Variants in BATF observed in about 807,000 individuals in gnomAD.
The protein encoded by BATF is basic leucine zipper transcriptional factor ATF-like.
In BATF, 5 loss-of-function variants were observed where a neutral mutation model predicts 13.7. That is an observed-to-expected ratio of 0.36 (90% CI 0.19 to 0.77). The LOEUF is 0.77. BATF is among the 30% of genes least tolerant of loss of function. The pLI is 0.51. For missense variants in BATF, 124 were observed against 163.0 expected (o/e 0.76, Z 1.30); for synonymous variants, 72 against 67.5 (o/e 1.07, Z -0.33).
At chr14:75,535,024 G>A (rs1250772096) in intron 2 of BATF, among the ~76,000 whole-genome samples, 1 of 152,198 alleles carries the variant, frequency 6.6e-6, no homozygotes, top group African/African-American at 2.4e-5. Flanking sequence ...TAAAAATTAT[G>A]TTGACTATGT....
intron 2 of BATF, among the ~76,000 whole-genome samples, chr14:75,539,451 T>TTTTTTTTTTTTTTTG (rs376041946): frequency 6.8e-6 from 1 of 146,694 alleles, no homozygotes; most frequent in African/African-American, 2.5e-5. Flanking sequence ...TTTTTTTTTT[T>TTTTTTTTTTTTTTTG]AGCAATTCTT....
intron 2 of BATF, among the ~76,000 whole-genome samples, chr14:75,528,761 A>G (rs1159667516): frequency 1.3e-5 from 2 of 148,290 alleles, no homozygotes; most frequent in Non-Finnish European, 2.9e-5. Flanking sequence ...GACCTAAGAT[A>G]ATCAGCTGAA....
In BATF at chr14:75,525,065, C is replaced by G. The variant is rs1887630663; in HGVS notation, c.64-19C>G. The G allele has an allele frequency of 1.3e-5, 20 of 1,597,060 alleles. No homozygotes were observed. Among genetic ancestry groups the G allele is most frequent in the Non-Finnish European group, 1.6e-5 (19 of 1,167,830 alleles). On this transcript the variant is annotated intron_variant, in intron 1 of 2. Transcript: ENST00000286639. ...GGGAGATGCAGACCCATGTAATCCT[C>G]CCCGTCTCTGCTTCCCAGGACTCAT...
chr14:75,546,731 G>T lies in BATF; in HGVS notation c.*60G>T. 1 of 1,482,806 alleles carries T rather than the reference G, an allele frequency of 6.7e-7. No individual in the cohort carries two copies. The highest frequency in any genetic ancestry group is 9.0e-7 in the Non-Finnish European group (1 of 1,111,038). The allele number at this position is 1,482,806 out of a possible 1,614,324, so 91.9% of individuals were successfully genotyped here. A position where few individuals can be genotyped will look rare whatever the true frequency, so the allele number is the denominator to read the frequency against. On this transcript the variant is annotated 3_prime_UTR_variant, in exon 3 of 3. Transcript: ENST00000286639. Reference sequence around the variant, plus strand: ...GGCACACAGACTGTGGCAGAGCTGCGCCCATCCCGCAGAGGCCCCTGTCCA... The same window carrying T: ...GGCACACAGACTGTGGCAGAGCTGCTCCCATCCCGCAGAGGCCCCTGTCCA...
At position 75,525,185 on chromosome 14, in the gene BATF, C is replaced by T; in HGVS notation, c.165C>T (p.His55=). Residue 55 remains histidine, a synonymous_variant, in exon 2 of 3, where the codon CAC becomes CAT. Coordinates refer to ENST00000286639, the MANE Select transcript of BATF (RefSeq NM_006399.5). ...AGACACAGAAGGCCGACACCCTGCA[C>T]CTGGTAAGTGTTCAGATCAATCTTC... ...QRQTQKADTL[H]LESEDLEKQN... is the part of the protein sequence containing the mutation. 6.2e-7 allele frequency: 1 copy of T among 1,613,486 alleles called. No individual in the cohort carries two copies. The highest frequency in any genetic ancestry group is 8.5e-7 in the Non-Finnish European group (1 of 1,179,756).
At chr14:75,533,728 G>A (rs939814124) in intron 2 of BATF, among the ~76,000 whole-genome samples, 4 of 152,102 alleles carry the variant, frequency 2.6e-5, no homozygotes, top group African/African-American at 9.7e-5. Context: ...GTTCCACTAC[G>A]GGTTCACATG....
Position 75,524,068 on chromosome 14 carries a change from A to G in BATF, c.64-1016A>G, listed in dbSNP as rs374136990. On this transcript the variant is annotated intron_variant, in intron 1 of 2. Transcript: ENST00000286639. ...GGTGAGCCCAGTACTTAGTGATCCCAGAGCTTTGCCCTTGGATCTGTGCCC... is the reference window on the plus strand; with the variant it reads ...GGTGAGCCCAGTACTTAGTGATCCCGGAGCTTTGCCCTTGGATCTGTGCCC... 5.1e-4 allele frequency among the ~76,000 whole-genome samples: 78 copies of G among 152,320 alleles called. 2 individuals carry two copies. The South Asian group carries it at 0.016, about 31-fold the overall frequency.
chr14:75,538,937 C>A (rs1266930519), intron 2 of BATF, among the ~76,000 whole-genome samples: 1 of 152,194 alleles, frequency 6.6e-6, no homozygotes, highest in Non-Finnish European at 1.5e-5. Context: ...CTATTCAAAC[C>A]CTTGCTTTGA....
At chr14:75,542,925 C>A (rs1310376087) in intron 2 of BATF, among the ~76,000 whole-genome samples, 1 of 152,214 alleles carries the variant, frequency 6.6e-6, no homozygotes, top group East Asian at 1.9e-4. Flanking sequence ...GCTGTCACTT[C>A]CCGAAAGCTG....
At chr14:75,540,023 C>G (rs1449287998) in intron 2 of BATF, among the ~76,000 whole-genome samples, 1 of 152,112 alleles carries the variant, frequency 6.6e-6, no homozygotes, top group Non-Finnish European at 1.5e-5. Flanking sequence ...AAAAGGTCAC[C>G]CTGCCAATAC....
At chr14:75,535,931 A>G (rs1566767946) in intron 2 of BATF, among the ~76,000 whole-genome samples, 1 of 152,248 alleles carries the variant, frequency 6.6e-6, no homozygotes, top group East Asian at 1.9e-4. Flanking sequence ...TCATTAAGAG[A>G]GTAGGATGAC....
Position 75,546,837 on chromosome 14 carries a change from C to T in BATF, c.*166C>T, listed in dbSNP as rs750668294. 110 of 962,310 alleles carry T rather than the reference C, an allele frequency of 1.1e-4. No individual in the cohort carries two copies. Among genetic ancestry groups the T allele is most frequent in the Non-Finnish European group, 1.7e-4 (107 of 624,646 alleles). The allele number at this position is 962,310 out of a possible 1,614,324, so 59.6% of individuals were successfully genotyped here. On this transcript the variant is annotated 3_prime_UTR_variant, in exon 3 of 3. Transcript: ENST00000286639. ...ACTGGAAGGGCGTGAGGCCTCCCAG[C>T]AGTGCCGCAGCGTTTCGAGGGGCGT... is the stretch of plus-strand genomic sequence containing the variant.
intron 2 of BATF, among the ~76,000 whole-genome samples, chr14:75,543,773 G>C (rs1442486512): frequency 6.6e-6 from 1 of 151,600 alleles, no homozygotes; most frequent in Non-Finnish European, 1.5e-5. Flanking sequence ...AGAGGTTGCA[G>C]TGAGCTGAGA....
At position 75,522,616 on chromosome 14, in the gene BATF, C is replaced by T; in HGVS notation, c.-67C>T. 2 of 1,594,182 alleles carry T rather than the reference C, an allele frequency of 1.3e-6. No homozygotes were observed. Among genetic ancestry groups the T allele is most frequent in the South Asian group, 2.2e-5 (2 of 90,556 alleles). On this transcript the variant is annotated 5_prime_UTR_variant, in exon 1 of 3. Coordinates refer to ENST00000286639, the MANE Select transcript of BATF (RefSeq NM_006399.5). ...GGCCCAGGAGAAGTCAGGAAGGGAG[C>T]CCAGCTGGTGACAAGAGAGCCCAGA... is the stretch of plus-strand genomic sequence containing the variant.
In BATF at chr14:75,546,677, C is replaced by G. The variant is rs763112390; in HGVS notation, c.*6C>G. On this transcript the variant is annotated 3_prime_UTR_variant, in exon 3 of 3. Transcript: ENST00000286639. ...CCCCGCGCTTCCAGCCCTGAGCTTC[C>G]GATGCGGGGAGAGCAGAGCCTCGGG... 3.3e-5 allele frequency: 52 copies of G among 1,580,574 alleles called. No individual in the cohort carries two copies. The highest frequency in any genetic ancestry group is 4.4e-5 in the Non-Finnish European group (51 of 1,163,664).
chr14:75,546,728 T>A lies in BATF; in HGVS notation c.*57T>A. On this transcript the variant is annotated 3_prime_UTR_variant, in exon 3 of 3. Coordinates refer to ENST00000286639, the MANE Select transcript of BATF (RefSeq NM_006399.5). ...AGGGGCACACAGACTGTGGCAGAGC[T>A]GCGCCCATCCCGCAGAGGCCCCTGT... is the stretch of plus-strand genomic sequence containing the variant. 6.7e-7 allele frequency: 1 copy of A among 1,490,382 alleles called. No homozygotes were observed. Among genetic ancestry groups the A allele is most frequent in the Non-Finnish European group, 9.0e-7 (1 of 1,116,066 alleles). 92.3% of individuals were successfully genotyped at this position (1,490,382 alleles called of 1,614,324 possible).
At chr14:75,522,847 G>A (rs1463773895) in intron 1 of BATF, 102 bp downstream of exon 1, 9 of 1,433,902 alleles carry the variant, frequency 6.3e-6, no homozygotes, top group Non-Finnish European at 7.8e-6. Flanking sequence ...GATGGAGGAA[G>A]TGGCTCGTTG....
intron 2 of BATF, 28 bp downstream of exon 2, chr14:75,525,216 C>T (rs753058214): frequency 3.2e-5 from 52 of 1,601,526 alleles, no homozygotes; most frequent in Non-Finnish European, 4.0e-5. Context: ...TCTTCATCCT[C>T]GTGAGCTTTA....
At chr14:75,533,875 C>T (rs1887777810) in intron 2 of BATF, among the ~76,000 whole-genome samples, 2 of 152,166 alleles carry the variant, frequency 1.3e-5, no homozygotes, top group Admixed American at 1.3e-4. Context: ...GCCCAAGAAC[C>T]CAAACCTCTT....
Sources: gnomAD v4.1 joint callset for allele counts (sites outside exome capture counted in the v4.1 genomes callset) on GRCh38, gnomAD v4.1.1 for gene constraint, MANE v1.5 for transcripts, NCBI Gene and HGNC (gene_info 2026-07-23, HGNC 2026-07-21) for gene names.